DPP4: variants seen among roughly 807,000 people sequenced by gnomAD.
The protein encoded by DPP4 is ADCP-2.
In DPP4, 93 loss-of-function variants were observed where a neutral mutation model predicts 122.4. That is an observed-to-expected ratio of 0.76 (90% CI 0.64 to 0.90). The LOEUF (loss-of-function observed/expected upper bound fraction) is 0.90, where lower values mean the gene tolerates loss of function less well. Ranked by LOEUF, DPP4 falls within the 40% of genes least tolerant of loss-of-function variation. DPP4 has a pLI of 0.00. For synonymous variants in DPP4, 321 were observed against 302.9 expected (o/e 1.06, Z -0.62); for missense variants, 914 against 907.3 (o/e 1.01, Z -0.09).
intron 2 of DPP4, among the ~76,000 whole-genome samples, chr2:162,051,626 A>G (rs992205578): frequency 6.6e-6 from 1 of 152,258 alleles, no homozygotes; most frequent in Non-Finnish European, 1.5e-5. Context: ...TATGATGGGT[A>G]TAAAGAAATA....
chr2:162,062,573 G>A (rs991889521), intron 2 of DPP4, among the ~76,000 whole-genome samples: 1 of 152,206 alleles, frequency 6.6e-6, no homozygotes, highest in Non-Finnish European at 1.5e-5. Flanking sequence ...GTTCATTGAG[G>A]TTGTGAGAGT....
intron 2 of DPP4, among the ~76,000 whole-genome samples, chr2:162,073,019 C>T (rs1425351706): frequency 6.6e-6 from 1 of 152,084 alleles, no homozygotes; most frequent in Non-Finnish European, 1.5e-5. Context: ...TCTTTGGGCT[C>T]TTTAAACACT....
intron 2 of DPP4, among the ~76,000 whole-genome samples, chr2:162,061,145 G>A (rs1684759397): frequency 6.6e-6 from 1 of 151,984 alleles, no homozygotes. Context: ...GGGCTCAAGC[G>A]ATCCTCCTGC....
At chr2:162,071,265 C>T (rs1041214669) in intron 2 of DPP4, among the ~76,000 whole-genome samples, 1 of 152,180 alleles carries the variant, frequency 6.6e-6, no homozygotes, top group Non-Finnish European at 1.5e-5. Context: ...TGTTGAAACA[C>T]AGGGCATTTG....
rs548961330 is a variant in DPP4 at position 162,049,818 on chromosome 2, C to T, written c.95-2317G>A. On this transcript the variant is annotated intron_variant, in intron 2 of 25. Transcript: ENST00000360534. ...TTCTTCAGATCTTATCTGATAATAG[C>T]CTTGTACCTGCCTAAAACAACTTTG... Among the ~76,000 whole-genome samples, 22 of 152,216 alleles carry T rather than the reference C, an allele frequency of 1.4e-4. No individual in the cohort carries two copies. In the East Asian group the frequency reaches 3.3e-3, roughly 23 times the overall value.
intron 4 of DPP4, 103 bp from the exon 5 acceptor site, chr2:162,045,715 C>T: frequency 1.2e-6 from 1 of 800,350 alleles, no homozygotes; most frequent in Non-Finnish European, 2.1e-6. Context: ...GTGGCTTGTG[C>T]TTTGGGAAGT....
chr2:162,009,387 T>C (rs1253019058), intron 20 of DPP4, 92 bp from the exon 21 acceptor site: 1 of 1,116,786 alleles, frequency 9.0e-7, no homozygotes, highest in Non-Finnish European at 1.4e-6. Context: ...CCATTTGTTC[T>C]CTGCTTCATT....
At chr2:162,001,037 C>A (rs547503651) in intron 23 of DPP4, among the ~76,000 whole-genome samples, 64 of 152,282 alleles carry the variant, frequency 4.2e-4, no homozygotes, top group African/African-American at 1.5e-3. Flanking sequence ...TCCCCCAATA[C>A]GTAACCTATT....
chr2:162,062,197 G>T (rs577985961), intron 2 of DPP4, among the ~76,000 whole-genome samples: 1 of 152,060 alleles, frequency 6.6e-6, no homozygotes, highest in Admixed American at 6.6e-5. Context: ...CGGGAGAATC[G>T]CTTGAAACTG....
intron 5 of DPP4, among the ~76,000 whole-genome samples, chr2:162,040,596 A>G (rs1683949328): frequency 6.6e-6 from 1 of 151,994 alleles, no homozygotes; most frequent in South Asian, 2.1e-4. Context: ...GATTTTTAGC[A>G]CAGTCAAAGT....
At chr2:162,023,909 G>T (rs567443246) in intron 11 of DPP4, among the ~76,000 whole-genome samples, 1 of 152,296 alleles carries the variant, frequency 6.6e-6, no homozygotes, top group South Asian at 2.1e-4. Context: ...GAAACATTTT[G>T]GGGGCAGGCA....
chr2:162,018,973 T>C (rs1683021598), intron 15 of DPP4, 123 bp from the exon 16 acceptor site: 4 of 1,286,166 alleles, frequency 3.1e-6, no homozygotes, highest in South Asian at 1.5e-5. Context: ...AGGACTTTTT[T>C]TTTTTTAGCA....
chr2:162,011,724 C>A, intron 20 of DPP4, 69 bp downstream of exon 20: 1 of 1,501,492 alleles, frequency 6.7e-7, no homozygotes, highest in African/African-American at 1.4e-5. Flanking sequence ...CACTTTACAG[C>A]TTTAAAATGT....
chr2:162,046,694 G>A (rs535382113), intron 4 of DPP4: 7 of 609,054 alleles, frequency 1.1e-5, no homozygotes. Flanking sequence ...GCCCCAAGGA[G>A]CACTTACATT....
At chr2:162,055,731 TCTAG>T (rs1364953252) in intron 2 of DPP4, among the ~76,000 whole-genome samples, 2 of 152,086 alleles carry the variant, frequency 1.3e-5, no homozygotes, top group Admixed American at 1.3e-4. Flanking sequence ...TGCATTGCCA[TCTAG>T]CTGGAGGCTG....
intron 8 of DPP4, among the ~76,000 whole-genome samples, chr2:162,037,551 A>C (rs538950250): frequency 6.6e-6 from 1 of 152,340 alleles, no homozygotes. Context: ...GAAGAAAAAA[A>C]TAATACGATG....
At chr2:162,033,417 A>C (rs1348886100) in intron 10 of DPP4, 124 bp downstream of exon 10, 1 of 627,668 alleles carries the variant, frequency 1.6e-6, no homozygotes, top group African/African-American at 1.9e-5. Flanking sequence ...GGAAAGAATG[A>C]ATGACTGTCA....
chr2:162,000,540 G>A (rs545162536), intron 23 of DPP4, among the ~76,000 whole-genome samples: 32 of 152,158 alleles, frequency 2.1e-4, no homozygotes, highest in African/African-American at 7.5e-4. Flanking sequence ...CATATTCTGG[G>A]ATAATAGAAC....
chr2:162,048,336 T>C (rs1171622272), intron 2 of DPP4, among the ~76,000 whole-genome samples: 1 of 152,138 alleles, frequency 6.6e-6, no homozygotes, highest in African/African-American at 2.4e-5. Context: ...TTTTTCTGGG[T>C]ATCCCTGACA....
Sources: allele counts gnomAD v4.1 joint callset (sites outside exome capture counted in the v4.1 genomes callset), GRCh38; gene constraint gnomAD v4.1.1; transcripts MANE v1.5; gene names NCBI Gene and HGNC (gene_info 2026-07-23, HGNC 2026-07-21).